Variants in ANGPT1 observed in about 807,000 individuals in gnomAD.
The protein encoded by ANGPT1 is angiopoietin-1.
ANGPT1 carries 17 observed loss-of-function variants against 62.2 expected under a neutral mutation model. The observed-to-expected ratio is 0.27, with a 90% CI of 0.19 to 0.41. ANGPT1 has a LOEUF of 0.41. Among genes scored for constraint, ANGPT1 ranks in the 10% least tolerant of loss-of-function variants. ANGPT1 has a pLI of 1.00. For missense variants in ANGPT1, 478 were observed against 594.9 expected, an observed-to-expected ratio of 0.80 and a Z score of 2.04; for synonymous variants, 199 against 198.9, an observed-to-expected ratio of 1.00 and a Z score of 0.00.
intron 7 of ANGPT1, among the ~76,000 whole-genome samples, chr8:107,265,229 T>G (rs749643796): frequency 1.7e-4 from 26 of 152,178 alleles, no homozygotes; most frequent in Admixed American, 5.2e-4. Context: ...AAAGGCCTAT[T>G]TACTAACCCC....
chr8:107,280,262 G>A (rs1236758095), intron 7 of ANGPT1, among the ~76,000 whole-genome samples: 1 of 151,534 alleles, frequency 6.6e-6, no homozygotes, highest in Non-Finnish European at 1.5e-5. Flanking sequence ...GTGTAATGGC[G>A]CAATCTCGGC....
intron 1 of ANGPT1, among the ~76,000 whole-genome samples, chr8:107,372,857 G>A (rs962067529): frequency 5.9e-5 from 9 of 151,390 alleles, no homozygotes; most frequent in Non-Finnish European, 7.4e-5. Flanking sequence ...AGACGTGAGC[G>A]TGACTAGAGT....
intron 3 of ANGPT1, among the ~76,000 whole-genome samples, chr8:107,331,082 A>G (rs1815409144): frequency 6.6e-6 from 1 of 152,194 alleles, no homozygotes; most frequent in African/African-American, 2.4e-5. Context: ...AAGTTACTTT[A>G]GCATTTTGTA....
intron 1 of ANGPT1, among the ~76,000 whole-genome samples, chr8:107,451,469 A>G (rs1352193903): frequency 6.6e-6 from 1 of 151,960 alleles, no homozygotes; most frequent in Non-Finnish European, 1.5e-5. Context: ...GAGAGATTTT[A>G]TCAATAGAAT....
At chr8:107,462,232 G>A (rs1216684712) in intron 1 of ANGPT1, among the ~76,000 whole-genome samples, 1 of 151,814 alleles carries the variant, frequency 6.6e-6, no homozygotes, top group African/African-American at 2.4e-5. Context: ...ATATGAAGAG[G>A]GAGAGAAAAC....
At chr8:107,332,798 G>A (rs1815454303) in intron 3 of ANGPT1, among the ~76,000 whole-genome samples, 3 of 152,142 alleles carry the variant, frequency 2.0e-5, no homozygotes, top group African/African-American at 7.2e-5. Context: ...AATCCCCCCT[G>A]CAAAGTGTAT....
chr8:107,455,811 T>A (rs143431152), intron 1 of ANGPT1, among the ~76,000 whole-genome samples: 280 of 152,144 alleles, frequency 1.8e-3, no homozygotes, highest in African/African-American at 6.4e-3. Flanking sequence ...AAGGCTTTTA[T>A]CTCCAAGAAA....
intron 4 of ANGPT1, among the ~76,000 whole-genome samples, chr8:107,313,695 G>C (rs866295807): frequency 6.6e-5 from 10 of 151,244 alleles, no homozygotes; most frequent in African/African-American, 2.4e-4. Flanking sequence ...CACCTGCCTC[G>C]GCCTCCCAAA....
intron 1 of ANGPT1, among the ~76,000 whole-genome samples, chr8:107,440,173 A>G (rs1172152495): frequency 1.3e-5 from 2 of 152,210 alleles, no homozygotes; most frequent in Non-Finnish European, 2.9e-5. Flanking sequence ...AATTGTCTGC[A>G]TAGAGGTGGG....
chr8:107,388,593 T>C (rs1816777346), intron 1 of ANGPT1, among the ~76,000 whole-genome samples: 1 of 152,130 alleles, frequency 6.6e-6, no homozygotes. Context: ...ACCGCCTGAT[T>C]ATACCGTTCC....
intron 5 of ANGPT1, among the ~76,000 whole-genome samples, chr8:107,299,924 CTAGATATGTAGTTATATCTAGA>C: frequency 7.8e-6 from 1 of 128,256 alleles, no homozygotes; most frequent in African/African-American, 2.9e-5. Context: ...TACTATATAT[CTAGATATGTAGTTATATCTAGA>C]TATACTGTAT....
chr8:107,390,618 A>T (rs757527674), intron 1 of ANGPT1, among the ~76,000 whole-genome samples: 22 of 152,224 alleles, frequency 1.4e-4, no homozygotes, highest in Non-Finnish European at 2.1e-4. Context: ...ATGGTACAGG[A>T]TGATCAGAAA....
chr8:107,357,536 G>T (rs958816078), intron 1 of ANGPT1, among the ~76,000 whole-genome samples: 3 of 152,074 alleles, frequency 2.0e-5, no homozygotes, highest in Admixed American at 6.6e-5. Context: ...TAGTAGATTG[G>T]GGGGATTGAT....
At chr8:107,472,338 G>T (rs1448893951) in intron 1 of ANGPT1, among the ~76,000 whole-genome samples, 1 of 151,970 alleles carries the variant, frequency 6.6e-6, no homozygotes, top group Non-Finnish European at 1.5e-5. Flanking sequence ...GAACCACTAT[G>T]AGCCATCCAC....
chr8:107,483,034 A>C (rs1812727288), intron 1 of ANGPT1, among the ~76,000 whole-genome samples: 1 of 152,218 alleles, frequency 6.6e-6, no homozygotes, highest in African/African-American at 2.4e-5. Flanking sequence ...ATTAAAAAAA[A>C]ACTTTAAAAT....
At chr8:107,439,268 C>G (rs1321158163) in intron 1 of ANGPT1, among the ~76,000 whole-genome samples, 1 of 152,148 alleles carries the variant, frequency 6.6e-6, no homozygotes, top group Non-Finnish European at 1.5e-5. Context: ...AGAGTCAGAC[C>G]TGGGAGTAAG....
chr8:107,311,560 T>C (rs1376427815), intron 4 of ANGPT1, among the ~76,000 whole-genome samples: 1 of 152,220 alleles, frequency 6.6e-6, no homozygotes, highest in Admixed American at 6.5e-5. Flanking sequence ...CTTACATTTA[T>C]GTAGAGATGC....
intron 1 of ANGPT1, among the ~76,000 whole-genome samples, chr8:107,366,301 T>C (rs1290110957): frequency 6.6e-6 from 1 of 152,188 alleles, no homozygotes; most frequent in Non-Finnish European, 1.5e-5. Context: ...GAGCAGAGAT[T>C]AGAAGTCAGT....
intron 1 of ANGPT1, among the ~76,000 whole-genome samples, chr8:107,358,031 A>C (rs1816084386): frequency 6.6e-6 from 1 of 152,180 alleles, no homozygotes; most frequent in African/African-American, 2.4e-5. Context: ...ATGGGTTTTT[A>C]AAATTAATTT....
Sources: allele counts gnomAD v4.1 joint callset (sites outside exome capture counted in the v4.1 genomes callset), GRCh38; gene constraint gnomAD v4.1.1; transcripts MANE v1.5; gene names NCBI Gene and HGNC (gene_info 2026-07-23, HGNC 2026-07-21).